ADAMTSL1: variants seen among roughly 807,000 people sequenced by gnomAD.
The protein encoded by ADAMTSL1 is ADAMTS-like protein 1.
In ADAMTSL1, 126 loss-of-function variants were observed where a neutral mutation model predicts 201.8. That is an observed-to-expected ratio of 0.62 (90% CI 0.54 to 0.72). The LOEUF is 0.72. Ranked by LOEUF, ADAMTSL1 falls within the 30% of genes least tolerant of loss-of-function variation. The probability of loss-of-function intolerance (pLI) is 0.00; values close to 1 mark genes in which losing one functional copy is unlikely to be tolerated. For synonymous variants in ADAMTSL1, 1,121 were observed against 903.4 expected (o/e 1.24, Z -4.32); for missense variants, 2,679 against 2,277.8 (o/e 1.18, Z -3.59).
chr9:18,792,853 G>T (rs1294341002), intron 19 of ADAMTSL1, among the ~76,000 whole-genome samples: 1 of 152,184 alleles, frequency 6.6e-6, no homozygotes, highest in Non-Finnish European at 1.5e-5. Context: ...TAAGTAAATT[G>T]TATAGTCATC....
At chr9:18,315,626 C>A (rs1205417032) in intron 2 of ADAMTSL1, among the ~76,000 whole-genome samples, 1 of 152,132 alleles carries the variant, frequency 6.6e-6, no homozygotes, top group Non-Finnish European at 1.5e-5. Flanking sequence ...GCTCTGAGTG[C>A]GGGGCCCACC....
chr9:18,266,398 A>G (rs1832118936), intron 2 of ADAMTSL1, among the ~76,000 whole-genome samples: 1 of 152,188 alleles, frequency 6.6e-6, no homozygotes, highest in Non-Finnish European at 1.5e-5. Flanking sequence ...CGGCCAAGAG[A>G]ACTGAATGAG....
rs1588089592 is a variant in ADAMTSL1 at position 18,777,004 on chromosome 9, G to T, written c.2775G>T (p.Thr925=). The part of the protein sequence containing the change: ...GQHLISSTHV[T]VAPFGYLKIH... ...ACCTCATCAGCTCGACGCACGTCAC[G>T]GTGGCCCCCTTCGGCTATCTCAAGA... is the stretch of plus-strand genomic sequence containing the variant. The change falls in exon 19 of 29, where the codon ACG becomes ACT. Residue 925 remains threonine (T), a synonymous_variant. Coordinates refer to ENST00000380548, the MANE Select transcript of ADAMTSL1 (RefSeq NM_001040272.6). The T allele has an allele frequency of 6.2e-7, 1 of 1,604,404 alleles. No homozygotes were observed. The highest frequency in any genetic ancestry group is 1.3e-5 in the African/African-American group (1 of 74,708).
rs530032385 is a variant in ADAMTSL1 at position 18,678,342 on chromosome 9, T to C, written c.1137-1970T>C. ...ACCATCTTCAGATCTCCTGACATGCTCTCTCTCAGCTTTTGTTACGCTTTC... is the reference window on the plus strand; with the variant it reads ...ACCATCTTCAGATCTCCTGACATGCCCTCTCTCAGCTTTTGTTACGCTTTC... On this transcript the variant is annotated intron_variant, in intron 10 of 28. Coordinates refer to ENST00000380548, the MANE Select transcript of ADAMTSL1 (RefSeq NM_001040272.6). Among the ~76,000 whole-genome samples the C allele has an allele frequency of 4.6e-5, 7 of 152,264 alleles. No homozygotes were observed. In the South Asian group the frequency reaches 1.4e-3, roughly 32 times the overall value.
At chr9:18,391,779 GTTGT>G (rs1211672867) in intron 2 of ADAMTSL1, among the ~76,000 whole-genome samples, 1 of 146,744 alleles carries the variant, frequency 6.8e-6, no homozygotes, top group Non-Finnish European at 1.5e-5. Flanking sequence ...TTTTGTTGTT[GTTGT>G]TTAAGTCCTG....
intron 4 of ADAMTSL1, among the ~76,000 whole-genome samples, chr9:18,611,493 A>G (rs73433532): frequency 0.017 from 2,551 of 152,296 alleles, 64 homozygotes; most frequent in African/African-American, 0.058. Context: ...ACCAAAAACA[A>G]TACACAAAAA....
intron 1 of ADAMTSL1, among the ~76,000 whole-genome samples, chr9:17,929,868 T>C (rs917818793): frequency 6.6e-6 from 1 of 152,182 alleles, no homozygotes; most frequent in Non-Finnish European, 1.5e-5. Context: ...ATTTTTGTTA[T>C]ACGTCTGCCA....
At chr9:18,565,254 A>G (rs1015897138) in intron 3 of ADAMTSL1, among the ~76,000 whole-genome samples, 3 of 152,234 alleles carry the variant, frequency 2.0e-5, no homozygotes, top group African/African-American at 7.2e-5. Context: ...GTAAACACAT[A>G]GTAGGGCACA....
intron 21 of ADAMTSL1, among the ~76,000 whole-genome samples, chr9:18,822,096 T>G (rs1824247107): frequency 6.6e-6 from 1 of 152,158 alleles, no homozygotes; most frequent in Non-Finnish European, 1.5e-5. Flanking sequence ...CTTCGCTGTT[T>G]TAAGATACAA....
At chr9:18,806,381 T>C (rs1823119132) in intron 20 of ADAMTSL1, among the ~76,000 whole-genome samples, 1 of 152,208 alleles carries the variant, frequency 6.6e-6, no homozygotes. Context: ...TGGAAAATTA[T>C]CTAGCTGTGT....
intron 2 of ADAMTSL1, among the ~76,000 whole-genome samples, chr9:18,200,616 G>A (rs1234895132): frequency 2.0e-5 from 3 of 151,814 alleles, no homozygotes; most frequent in African/African-American, 7.3e-5. Flanking sequence ...TGTTTACTGA[G>A]GTAATATACC....
At chr9:18,140,143 G>A (rs992929418) in intron 1 of ADAMTSL1, among the ~76,000 whole-genome samples, 2 of 152,098 alleles carry the variant, frequency 1.3e-5, no homozygotes, top group African/African-American at 4.8e-5. Context: ...TACTCTTAAA[G>A]AATTTAACCC....
At chr9:18,732,241 C>A (rs1818256649) in intron 15 of ADAMTSL1, among the ~76,000 whole-genome samples, 1 of 152,140 alleles carries the variant, frequency 6.6e-6, no homozygotes, top group African/African-American at 2.4e-5. Context: ...TCTTAACCCA[C>A]TAGTATGGGG....
chr9:18,580,796 A>G (rs1434100467), intron 4 of ADAMTSL1, among the ~76,000 whole-genome samples: 2 of 152,216 alleles, frequency 1.3e-5, no homozygotes, highest in Non-Finnish European at 2.9e-5. Context: ...AATGGACAAG[A>G]AGGATAGTCC....
intron 1 of ADAMTSL1, among the ~76,000 whole-genome samples, chr9:18,039,302 A>G (rs1163029452): frequency 6.6e-6 from 1 of 152,184 alleles, no homozygotes; most frequent in Admixed American, 6.5e-5. Flanking sequence ...GGAAAATGTC[A>G]TCTTTTGGAA....
At chr9:18,588,884 C>CATATATATATATATATACATATAT (rs1395379356) in intron 4 of ADAMTSL1, among the ~76,000 whole-genome samples, 1 of 122,856 alleles carries the variant, frequency 8.1e-6, no homozygotes, top group South Asian at 2.6e-4. Flanking sequence ...TATACATATA[C>CATATATATATATATATACATATAT]ATATATATAT....
At position 18,176,557 on chromosome 9, in the gene ADAMTSL1, G is replaced by A. The variant is rs75504520; in HGVS notation, c.207+12576G>A. ...AGAGAGAGGGTAACATTTCCCTCTC[G>A]TAATGGAAGAAGAAATGAAAAGCAG... On this transcript the variant is annotated intron_variant, in intron 2 of 29. Transcript: ENST00000680146. Among the ~76,000 whole-genome samples, 189 of 152,202 alleles carry A rather than the reference G, an allele frequency of 1.2e-3. 2 individuals carry two copies. The East Asian group carries it at 0.03, about 24-fold the overall frequency.
At chr9:18,038,212 C>G (rs1331933326) in intron 1 of ADAMTSL1, among the ~76,000 whole-genome samples, 1 of 152,100 alleles carries the variant, frequency 6.6e-6, no homozygotes. Flanking sequence ...CCATGTGAGC[C>G]TCGGTTGTTC....
chr9:18,829,992 C>A lies in ADAMTSL1; in HGVS notation c.4249+15C>A. The A allele has an allele frequency of 6.3e-7, 1 of 1,596,862 alleles. No homozygotes were observed. The highest frequency in any genetic ancestry group is 8.5e-7 in the Non-Finnish European group (1 of 1,171,730). ...TGCTCTCCTTGGTGAGTCTAACCCT[C>A]GGAAACATTGGGCAGAAAGCCAGGA... On this transcript the variant is annotated intron_variant, in intron 23 of 28. Transcript: ENST00000380548.
Sources: allele counts gnomAD v4.1 joint callset (sites outside exome capture counted in the v4.1 genomes callset), GRCh38; gene constraint gnomAD v4.1.1; transcripts MANE v1.5; gene names NCBI Gene and HGNC (gene_info 2026-07-23, HGNC 2026-07-21).